Variants in IL1RAPL1 observed in about 807,000 individuals in gnomAD.
IL1RAPL1 encodes the protein interleukin 1 receptor accessory protein like 1, also known as interleukin-1 receptor accessory protein-like 1.
Under a neutral mutation model 48.4 loss-of-function variants are expected in IL1RAPL1, and 3 were observed. The ratio of observed to expected loss-of-function variants is 0.06; its 90% CI spans 0.03 to 0.16. The LOEUF (loss-of-function observed/expected upper bound fraction) is 0.16. Among genes scored for constraint, IL1RAPL1 ranks in the 10% least tolerant of loss-of-function variants. The pLI, the probability that IL1RAPL1 is intolerant of heterozygous loss-of-function variation, is 1.00. For synonymous variants in IL1RAPL1, 185 were observed against 187.7 expected (o/e 0.99, Z 0.12); for missense variants, 349 against 530.6 (o/e 0.66, Z 3.36).
At chrX:29,052,902 G>A (rs1461867075) in intron 2 of IL1RAPL1, among the ~76,000 whole-genome samples, 3 of 111,351 alleles carry the variant, frequency 2.7e-5, no homozygotes, top group African/African-American at 9.8e-5. Flanking sequence ...TTAGTTCAGG[G>A]ATACATGTGC....
chrX:29,840,820 A>G (rs1176693450), intron 6 of IL1RAPL1, among the ~76,000 whole-genome samples: 1 of 112,016 alleles, frequency 8.9e-6, no homozygotes, highest in African/African-American at 3.2e-5. Context: ...TTGGGATCAA[A>G]TGTTAATAAG....
intron 6 of IL1RAPL1, among the ~76,000 whole-genome samples, chrX:29,718,729 T>C (rs1384025128): frequency 9.0e-6 from 1 of 110,996 alleles, no homozygotes; most frequent in Non-Finnish European, 1.9e-5. Context: ...AGGGCTGGCC[T>C]TTTGAGCACT....
At chrX:29,115,188 A>T (rs767711509) in intron 2 of IL1RAPL1, among the ~76,000 whole-genome samples, 157 of 111,804 alleles carry the variant, frequency 1.4e-3, no homozygotes, top group African/African-American at 4.8e-3. Flanking sequence ...CAATTTTTTA[A>T]AATTCTGAGA....
intron 2 of IL1RAPL1, among the ~76,000 whole-genome samples, chrX:29,277,150 G>A (rs191215647): frequency 2.1e-3 from 235 of 111,990 alleles, no homozygotes; most frequent in African/African-American, 7.1e-3. Context: ...TTTCTTATGC[G>A]AAGGCTAATA....
At chrX:29,500,324 T>G (rs1242735717) in intron 5 of IL1RAPL1, among the ~76,000 whole-genome samples, 1 of 112,264 alleles carries the variant, frequency 8.9e-6, no homozygotes, top group Admixed American at 9.4e-5. Flanking sequence ...CAATAGATTA[T>G]TGTTAACTAT....
At chrX:29,801,030 A>AAC (rs1929872881) in intron 6 of IL1RAPL1, among the ~76,000 whole-genome samples, 2 of 13,948 alleles carry the variant, frequency 1.4e-4, no homozygotes, top group Non-Finnish European at 2.4e-4. Flanking sequence ...AAAAAAAAAA[A>AAC]AAAACTCTCC....
intron 1 of IL1RAPL1, among the ~76,000 whole-genome samples, chrX:28,740,371 G>T (rs1488246199): frequency 1.8e-5 from 2 of 112,003 alleles, no homozygotes; most frequent in Non-Finnish European, 3.8e-5. Flanking sequence ...GATAGGGTTT[G>T]ACTTTGTGTA....
intron 2 of IL1RAPL1, among the ~76,000 whole-genome samples, chrX:28,793,046 C>T (rs1168532789): frequency 9.5e-6 from 1 of 105,709 alleles, no homozygotes; most frequent in Non-Finnish European, 1.9e-5. Flanking sequence ...TATGGAAGCA[C>T]ATATTCAGCA....
At chrX:28,700,188 A>G (rs945806437) in intron 1 of IL1RAPL1, among the ~76,000 whole-genome samples, 1 of 111,365 alleles carries the variant, frequency 9.0e-6, no homozygotes, top group Non-Finnish European at 1.9e-5. Context: ...TTTTTTTTGA[A>G]AGGCAGTTTG....
At chrX:28,977,449 A>G (rs1925232511) in intron 2 of IL1RAPL1, among the ~76,000 whole-genome samples, 1 of 111,628 alleles carries the variant, frequency 9.0e-6, no homozygotes, top group Non-Finnish European at 1.9e-5. Flanking sequence ...CTCACTATAC[A>G]GTACCAAGAG....
intron 2 of IL1RAPL1, among the ~76,000 whole-genome samples, chrX:29,159,108 A>G (rs756978590): frequency 9.2e-6 from 1 of 108,252 alleles, no homozygotes; most frequent in Non-Finnish European, 1.9e-5. Flanking sequence ...CTTCATCTGT[A>G]ACAAGAGAAT....
Position 29,199,330 on chromosome X carries a change from C to CT in IL1RAPL1, c.83-83598dup, listed in dbSNP as rs1224024371. On this transcript the variant is annotated intron_variant, in intron 2 of 10. Coordinates refer to ENST00000378993, the MANE Select transcript of IL1RAPL1 (RefSeq NM_014271.4). ...TTTTCTTTGAATGATACTATAATCA[C>CT]TTTTTTTTTTGCAAAATAGTCTCTG... Among the ~76,000 whole-genome samples, 1,003 of 106,091 alleles carry CT rather than the reference C, an allele frequency of 9.5e-3. 7 individuals carry two copies. The highest frequency in any genetic ancestry group is 0.031 in the African/African-American group (916 of 29,381). The allele number at this position is 106,091 out of a possible 115,157, so 92.1% of individuals were successfully genotyped here.
rs144971680 is a variant in IL1RAPL1 at position 29,062,929 on chromosome X, T to A, written c.83-220009T>A. ...TTTTCTAAGCTTCAAGACAAGTGTA[T>A]CCATATGGATTCAGAAAATTTCTAT... On this transcript the variant is annotated intron_variant, in intron 2 of 10. Coordinates refer to ENST00000378993, the MANE Select transcript of IL1RAPL1 (RefSeq NM_014271.4). Among the ~76,000 whole-genome samples the A allele has an allele frequency of 3.5e-3, 397 of 111,940 alleles. 10 individuals are homozygous for A. The East Asian group carries it at 0.065, about 18-fold the overall frequency.
At chrX:29,745,148 C>A (rs1191038670) in intron 6 of IL1RAPL1, among the ~76,000 whole-genome samples, 2 of 111,584 alleles carry the variant, frequency 1.8e-5, no homozygotes, top group African/African-American at 6.5e-5. Context: ...GGATTCTTGG[C>A]TGCAGAAAAT....
intron 8 of IL1RAPL1, among the ~76,000 whole-genome samples, chrX:29,937,345 G>GA: frequency 8.9e-6 from 1 of 112,064 alleles, no homozygotes; most frequent in East Asian, 2.8e-4. Flanking sequence ...ATTTCAAAGG[G>GA]AAAATGACAT....
At chrX:29,312,154 C>A (rs1932734734) in intron 3 of IL1RAPL1, among the ~76,000 whole-genome samples, 1 of 111,354 alleles carries the variant, frequency 9.0e-6, no homozygotes, top group Non-Finnish European at 1.9e-5. Flanking sequence ...AAAAAGAGGT[C>A]CCCGGCCAGG....
chrX:29,748,205 C>A (rs1157201572), intron 6 of IL1RAPL1, among the ~76,000 whole-genome samples: 2 of 111,403 alleles, frequency 1.8e-5, no homozygotes, highest in Non-Finnish European at 3.8e-5. Flanking sequence ...TCCTTTTTTC[C>A]ATAAAAAGAC....
chrX:29,917,093 C>T (rs1031079658), intron 6 of IL1RAPL1, among the ~76,000 whole-genome samples: 3 of 112,208 alleles, frequency 2.7e-5, no homozygotes, highest in Non-Finnish European at 3.8e-5. Context: ...TAATCAGCAA[C>T]GTTATGTACC....
chrX:29,341,962 C>T (rs1176583797), intron 3 of IL1RAPL1, among the ~76,000 whole-genome samples: 1 of 109,998 alleles, frequency 9.1e-6, no homozygotes, highest in African/African-American at 3.3e-5. Flanking sequence ...GCACCTGCTA[C>T]CACGTACGGC....
Sources: allele counts gnomAD v4.1 joint callset (sites outside exome capture counted in the v4.1 genomes callset), GRCh38; gene constraint gnomAD v4.1.1; transcripts MANE v1.5; gene names NCBI Gene and HGNC (gene_info 2026-07-23, HGNC 2026-07-21).